The following CTTNBP2 variants were observed in gnomAD, a reference collection of about 807,000 sequenced individuals.
The protein encoded by CTTNBP2 is cortactin binding protein 2.
A neutral mutation model predicts 156.9 loss-of-function variants in CTTNBP2; 108 were observed. That is an observed-to-expected ratio of 0.69 (90% CI 0.59 to 0.81). CTTNBP2 has a LOEUF of 0.81. Among genes scored for constraint, CTTNBP2 ranks in the 30% least tolerant of loss-of-function variants. CTTNBP2 has a pLI of 0.00. For synonymous variants in CTTNBP2, 767 were observed against 751.8 expected, an observed-to-expected ratio of 1.02 and a Z score of -0.33; for missense variants, 1,924 against 2,035.4, an observed-to-expected ratio of 0.95 and a Z score of 1.05.
intron 10 of CTTNBP2, among the ~76,000 whole-genome samples, chr7:117,759,038 T>C (rs1217461329): frequency 6.6e-6 from 1 of 152,182 alleles, no homozygotes; most frequent in Non-Finnish European, 1.5e-5. Flanking sequence ...TGAGTAATAC[T>C]CCATGTGTGG....
intron 2 of CTTNBP2, among the ~76,000 whole-genome samples, chr7:117,833,437 G>A (rs1317152867): frequency 6.6e-6 from 1 of 152,170 alleles, no homozygotes; most frequent in African/African-American, 2.4e-5. Context: ...AATCCTGAGT[G>A]CATTTTAAAA....
chr7:117,760,093 C>G (rs1486362024), intron 10 of CTTNBP2, among the ~76,000 whole-genome samples: 3 of 152,172 alleles, frequency 2.0e-5, no homozygotes, highest in African/African-American at 4.8e-5. Context: ...AACCCAAGAA[C>G]AAATTTTGAG....
At chr7:117,815,441 G>A (rs1355807401) in intron 2 of CTTNBP2, among the ~76,000 whole-genome samples, 1 of 152,136 alleles carries the variant, frequency 6.6e-6, no homozygotes. Context: ...TATTACCAGA[G>A]AGAAATAGAA....
At position 117,780,541 on chromosome 7, in the gene CTTNBP2, T is replaced by A. The variant is rs764872491; in HGVS notation, c.2423A>T (p.Asp808Val). The A allele has an allele frequency of 3.1e-5, 49 of 1,594,724 alleles. 1 individual carries two copies. The South Asian group carries it at 3.2e-4, about 10-fold the overall frequency. The stretch of plus-strand genomic sequence containing the variant: ...CAGGTATAGAGGTGTCTGTCCTCCA[T>A]CAGCAGCATGATTAATGTTAGCATC... The part of the protein sequence containing the change: ...SYDANINHAA[D>V]GGQTPLYLAC... The change falls in exon 7 of 23, where the codon GAT becomes GTT. Residue 808 changes from aspartate (D) to valine (V), a missense_variant. Asp to Val is a radical substitution (Grantham distance 152). Transcript: ENST00000160373.
At chr7:117,863,735 A>G (rs1803924285) in intron 1 of CTTNBP2, among the ~76,000 whole-genome samples, 1 of 152,214 alleles carries the variant, frequency 6.6e-6, no homozygotes, top group South Asian at 2.1e-4. Flanking sequence ...GTAAGTGCCA[A>G]ATGAAGGCAG....
At chr7:117,735,218 T>G (rs1343567041) in intron 15 of CTTNBP2, 51 bp downstream of exon 15, 1 of 1,597,386 alleles carries the variant, frequency 6.3e-7, no homozygotes, top group Non-Finnish European at 8.5e-7. Flanking sequence ...ACAGAAAGAT[T>G]AGAATATTAC....
At chr7:117,843,050 G>A (rs934835599) in intron 2 of CTTNBP2, among the ~76,000 whole-genome samples, 4 of 152,146 alleles carry the variant, frequency 2.6e-5, no homozygotes, top group Non-Finnish European at 5.9e-5. Context: ...TTGGGGGTGG[G>A]GAGAGAAGAA....
At chr7:117,762,451 TACTC>T (rs1797262534) in intron 9 of CTTNBP2, among the ~76,000 whole-genome samples, 5 of 152,330 alleles carry the variant, frequency 3.3e-5, no homozygotes, top group South Asian at 2.1e-4. Context: ...CCTTGAATTA[TACTC>T]CCTCACACTT....
chr7:117,743,727 A>T (rs1468364330), intron 14 of CTTNBP2, among the ~76,000 whole-genome samples: 1 of 125,634 alleles, frequency 8.0e-6, no homozygotes, highest in Non-Finnish European at 1.6e-5. Context: ...GTGCCACCAC[A>T]CTCCAGCCCT....
intron 22 of CTTNBP2, among the ~76,000 whole-genome samples, chr7:117,716,705 A>G (rs1020155902): frequency 6.6e-6 from 1 of 152,198 alleles, no homozygotes; most frequent in Non-Finnish European, 1.5e-5. Context: ...CTTGAAAGCC[A>G]TGCTTTTCTT....
intron 2 of CTTNBP2, among the ~76,000 whole-genome samples, chr7:117,845,240 T>A (rs1333642330): frequency 6.6e-6 from 1 of 152,132 alleles, no homozygotes; most frequent in African/African-American, 2.4e-5. Context: ...TAAGGAGATG[T>A]CCAAGAACTG....
At chr7:117,867,105 C>G (rs1584588245) in intron 1 of CTTNBP2, among the ~76,000 whole-genome samples, 1 of 152,170 alleles carries the variant, frequency 6.6e-6, no homozygotes, top group Non-Finnish European at 1.5e-5. Context: ...TAAGGGTTTT[C>G]ATGAAGAAAA....
At chr7:117,756,323 A>T (rs1796879313) in intron 12 of CTTNBP2, among the ~76,000 whole-genome samples, 1 of 152,058 alleles carries the variant, frequency 6.6e-6, no homozygotes, top group Admixed American at 6.6e-5. Context: ...ATGGCATTTC[A>T]CAGGTCACAG....
intron 8 of CTTNBP2, among the ~76,000 whole-genome samples, chr7:117,769,939 T>C (rs1182733467): frequency 6.6e-6 from 1 of 152,202 alleles, no homozygotes; most frequent in Non-Finnish European, 1.5e-5. Context: ...CTGCTTTCAT[T>C]TCTCTATCTG....
chr7:117,716,037 G>A (rs972047044), intron 22 of CTTNBP2: 1 of 152,036 alleles, frequency 6.6e-6, no homozygotes, highest in Non-Finnish European at 1.5e-5. Flanking sequence ...TTGGGGAAGA[G>A]TCCCTCCAAA....
chr7:117,715,724 T>C (rs1794317753), intron 22 of CTTNBP2: 1 of 152,170 alleles, frequency 6.6e-6, no homozygotes, highest in South Asian at 2.1e-4. Flanking sequence ...TTGCAAATAA[T>C]AAAGATAACT....
chr7:117,756,370 C>T (rs965767883), intron 12 of CTTNBP2, among the ~76,000 whole-genome samples, 185 bp downstream of exon 12: 9 of 151,650 alleles, frequency 5.9e-5, no homozygotes, highest in Non-Finnish European at 1.0e-4. Context: ...ACCTGGATGA[C>T]AGTGACAGAA....
chr7:117,793,785 T>C (rs534807195), intron 3 of CTTNBP2, among the ~76,000 whole-genome samples: 1 of 152,234 alleles, frequency 6.6e-6, no homozygotes, highest in African/African-American at 2.4e-5. Flanking sequence ...CTGATCAGCC[T>C]AGACAGGGAG....
chr7:117,811,985 G>A (rs1213657341), intron 2 of CTTNBP2, among the ~76,000 whole-genome samples: 2 of 148,986 alleles, frequency 1.3e-5, no homozygotes, highest in Non-Finnish European at 3.0e-5. Context: ...TTCGTAGTTT[G>A]TAAAATTTGA....
Sources: allele counts gnomAD v4.1 joint callset (sites outside exome capture counted in the v4.1 genomes callset), GRCh38; gene constraint gnomAD v4.1.1; transcripts MANE v1.5; gene names NCBI Gene and HGNC (gene_info 2026-07-23, HGNC 2026-07-21).